The following SSBP4 variants were observed in gnomAD, a reference collection of about 807,000 sequenced individuals.
SSBP4 encodes the protein single stranded DNA binding protein 4.
A neutral mutation model predicts 64.6 loss-of-function variants in SSBP4; 33 were observed. The ratio of observed to expected loss-of-function variants is 0.51; its 90% CI spans 0.39 to 0.68. The LOEUF is 0.68. SSBP4 is among the 30% of genes least tolerant of loss of function. SSBP4 has a pLI of 0.00. For missense variants in SSBP4, 583 were observed against 566.8 expected, an observed-to-expected ratio of 1.03 and a Z score of -0.29; for synonymous variants, 243 against 224.0, an observed-to-expected ratio of 1.08 and a Z score of -0.76.
At chr19:18,433,922 C>G in intron 17 of SSBP4, 105 bp downstream of exon 17, 1 of 1,251,274 alleles carries the variant, frequency 8.0e-7, no homozygotes, top group Non-Finnish European at 1.0e-6. Context: ...ACCGTGACCG[C>G]GGCGGGCCAG....
rs1973604053 is a variant in SSBP4, at chr19:18,433,170, C to T, written c.948C>T (p.Ala316=). 3 of 1,592,704 alleles carry T rather than the reference C, an allele frequency of 1.9e-6. No individual in the cohort carries two copies. In the Admixed American group the frequency reaches 5.3e-5, roughly 28 times the overall value. ...GCCCTGGCCCGGAGGGCCCCATGGC[C>T]GCCATGAGCGCGATGGAGCCTCACC... ...PLGPGPEGPM[A]AMSAMEPHHV... is the part of the protein sequence containing the mutation. Residue 316 remains alanine (A), a synonymous_variant, in exon 15 of 18, where the codon GCC becomes GCT. Transcript: ENST00000270061.
At chr19:18,433,276 T>TC (rs1247320367) in intron 15 of SSBP4, 63 bp downstream of exon 15, 2 of 1,520,358 alleles carry the variant, frequency 1.3e-6, no homozygotes, top group East Asian at 2.5e-5. Flanking sequence ...CCTGGCTGCT[T>TC]CCCCCTGCCG....
At chr19:18,415,410 T>C (rs1972124410), upstream of SSBP4, among the ~76,000 whole-genome samples, 1 of 152,178 alleles carries the variant, frequency 6.6e-6, no homozygotes, top group African/African-American at 2.4e-5. Flanking sequence ...TGGGGAGTAC[T>C]CGTGGGCCCC....
At chr19:18,431,934 G>C (rs1180423179) in intron 8 of SSBP4, 66 bp from the exon 9 acceptor site, 16 of 1,561,378 alleles carry the variant, frequency 1.0e-5, no homozygotes, top group Non-Finnish European at 1.4e-5. Flanking sequence ...AGACCTTGCT[G>C]CCTCCCCACT....
At chr19:18,433,564 C>A in intron 15 of SSBP4, 21 bp from the exon 16 acceptor site, 1 of 1,538,924 alleles carries the variant, frequency 6.5e-7, no homozygotes, top group Non-Finnish European at 8.8e-7. Context: ...AGCCGGTGCC[C>A]GTGTCTGTCC....
At chr19:18,406,959 T>A in the SSBP4 span, among the ~76,000 whole-genome samples, 10 of 152,180 alleles carry the variant, frequency 6.6e-5, no homozygotes, top group South Asian at 2.1e-3. Flanking sequence ...ACTTCCAAGC[T>A]GTGTGACCTA....
chr19:18,430,766 G>GA lies in SSBP4; in HGVS notation c.280-74dup, dbSNP rs972197911. On this transcript the variant is annotated intron_variant, in intron 4 of 17. Coordinates refer to ENST00000270061, the MANE Select transcript of SSBP4 (RefSeq NM_032627.5). ...TCCCATGGGGCCGGCCACCTGCAGA[G>GA]AGGGGGGGCACACCCCAGGTAGGAA... is the stretch of plus-strand genomic sequence containing the variant. 4.1e-6 allele frequency: 5 copies of GA among 1,206,886 alleles called. No individual in the cohort carries two copies. The Admixed American group carries it at 1.2e-4, about 29-fold the overall frequency. 74.8% of individuals were successfully genotyped at this position (1,206,886 alleles called of 1,614,324 possible).
chr19:18,433,258 G>C (rs780042567), intron 15 of SSBP4, 45 bp downstream of exon 15: 13 of 1,533,960 alleles, frequency 8.5e-6, no homozygotes, highest in Non-Finnish European at 1.1e-5. Flanking sequence ...TTCCGGGCCC[G>C]TGCGCTCCCT....
At chr19:18,420,328 G>A (rs568983420) in intron 1 of SSBP4, among the ~76,000 whole-genome samples, 1 of 152,222 alleles carries the variant, frequency 6.6e-6, no homozygotes, top group African/African-American at 2.4e-5. Flanking sequence ...TACCACTGAA[G>A]AGTGCATACT....
chr19:18,407,510 G>A, the SSBP4 span, among the ~76,000 whole-genome samples: 9 of 151,740 alleles, frequency 5.9e-5, no homozygotes, highest in Non-Finnish European at 1.3e-4. Context: ...TCCGCCCCCC[G>A]GGTTCACGCC....
Position 18,423,786 on chromosome 19 carries a change from C to A in SSBP4, c.60-3565C>A, listed in dbSNP as rs1972627969. ...CTGCCTGCTGCTCTTCCGGGTGCCT[C>A]CCTGTTTTCCTTTCTGGCCACCTGC... On this transcript the variant is annotated intron_variant, in intron 1 of 17. Transcript: ENST00000270061. This position sits in a 1 kb window ranked among gnomAD's most constrained non-coding sequence, Gnocchi z 4.0. Among the ~76,000 whole-genome samples, 1 of 152,190 alleles carries A rather than the reference C, an allele frequency of 6.6e-6. No homozygotes were observed. The highest frequency in any genetic ancestry group is 6.5e-5 in the Admixed American group (1 of 15,288).
At chr19:18,407,067 C>T in the SSBP4 span, among the ~76,000 whole-genome samples, 7 of 151,834 alleles carry the variant, frequency 4.6e-5, no homozygotes, top group East Asian at 1.9e-4. Context: ...GATGGAGTCT[C>T]GCTCTGTCTC....
chr19:18,432,220 AC>A lies in SSBP4; in HGVS notation c.704+9del, dbSNP rs34695791. The A allele has an allele frequency of 6.2e-7, 1 of 1,612,794 alleles. No homozygotes were observed. The highest frequency in any genetic ancestry group is 8.5e-7 in the Non-Finnish European group (1 of 1,179,880). On this transcript the variant is annotated splice_region_variant and intron_variant, in intron 10 of 17. Coordinates refer to ENST00000270061, the MANE Select transcript of SSBP4 (RefSeq NM_032627.5). ...GGCCTGCCTGCCATGAACATGTAAG[AC>A]CCTGGGGGATCCTAGGAGTGTGCAG...
chr19:18,403,537 TG>T, the SSBP4 span, among the ~76,000 whole-genome samples: 3 of 151,838 alleles, frequency 2.0e-5, no homozygotes, highest in Non-Finnish European at 4.4e-5. Context: ...CTGGGAGTCT[TG>T]GGGTTTGGGA....
At chr19:18,419,304 C>A, upstream of SSBP4, 1 of 1,003,692 alleles carries the variant, frequency 1.0e-6, no homozygotes, top group Non-Finnish European at 1.2e-6. Context: ...CGGGACCCAC[C>A]CGCGCGCCCG....
chr19:18,418,142 G>A (rs1486727184), upstream of SSBP4, among the ~76,000 whole-genome samples: 1 of 152,162 alleles, frequency 6.6e-6, no homozygotes, highest in Admixed American at 6.5e-5. The surrounding 1 kb of genome is among the most constrained non-coding windows in gnomAD (Gnocchi z 6.7). Context: ...CGCAGCCAGG[G>A]ACAGTCGCCG....
At chr19:18,407,408 GT>G in the SSBP4 span, among the ~76,000 whole-genome samples, 1 of 151,696 alleles carries the variant, frequency 6.6e-6, no homozygotes, top group East Asian at 1.9e-4. Context: ...TTATAGTAAT[GT>G]TTTTTTTGTT....
intron 1 of SSBP4, 67 bp downstream of exon 1, chr19:18,419,774 A>T: frequency 9.5e-7 from 1 of 1,054,972 alleles, no homozygotes; most frequent in Non-Finnish European, 1.2e-6. Flanking sequence ...GCGGGCGGGC[A>T]CCGCGCGGGG....
Position 18,430,833 on chromosome 19 carries a change from C to T in SSBP4, c.280-8C>T. On this transcript the variant is annotated splice_region_variant and splice_polypyrimidine_tract_variant and intron_variant, in intron 4 of 17. Coordinates refer to ENST00000270061, the MANE Select transcript of SSBP4 (RefSeq NM_032627.5). ...ACCTGGCCCTCTGGGTTTCCCGCAC[C>T]CTTACAGAGTGCTGCAGCCGCCCCC... The T allele has an allele frequency of 6.2e-7, 1 of 1,610,630 alleles. No homozygotes were observed. The highest frequency in any genetic ancestry group is 1.7e-5 in the Admixed American group (1 of 59,796).
Sources: allele counts gnomAD v4.1 joint callset (sites outside exome capture counted in the v4.1 genomes callset), GRCh38; gene constraint gnomAD v4.1.1; non-coding constraint Gnocchi (gnomAD v3.1); transcripts MANE v1.5; gene names NCBI Gene and HGNC (gene_info 2026-07-23, HGNC 2026-07-21).